Variants in FAM227B observed in about 807,000 individuals in gnomAD.
FAM227B encodes protein FAM227B.
Under a neutral mutation model 73.8 loss-of-function variants are expected in FAM227B, and 88 were observed. That is an observed-to-expected ratio of 1.19 (90% CI 1.00 to 1.42). The LOEUF (loss-of-function observed/expected upper bound fraction) is 1.42. FAM227B is among the 40% of genes most tolerant of loss of function. FAM227B has a pLI of 0.00. For missense variants in FAM227B, 632 were observed against 590.9 expected, an observed-to-expected ratio of 1.07 and a Z score of -0.72; for synonymous variants, 210 against 190.5, an observed-to-expected ratio of 1.10 and a Z score of -0.84.
intron 11 of FAM227B, among the ~76,000 whole-genome samples, chr15:49,436,539 A>T (rs2051122323): frequency 6.6e-6 from 1 of 151,604 alleles, no homozygotes; most frequent in Non-Finnish European, 1.5e-5. Flanking sequence ...CTACAACAAA[A>T]ATTAAATGTG....
At chr15:49,438,505 G>A (rs2051316547) in intron 11 of FAM227B, among the ~76,000 whole-genome samples, 1 of 151,622 alleles carries the variant, frequency 6.6e-6, no homozygotes, top group Non-Finnish European at 1.5e-5. Context: ...ATTCACCAAA[G>A]AGTTATCAGT....
intron 11 of FAM227B, among the ~76,000 whole-genome samples, chr15:49,464,752 A>G (rs574082578): frequency 6.6e-6 from 1 of 152,306 alleles, no homozygotes; most frequent in African/African-American, 2.4e-5. Context: ...AAGACACAAA[A>G]CAGAACACAT....
chr15:49,585,326 G>A (rs570450449), intron 5 of FAM227B, among the ~76,000 whole-genome samples: 1 of 152,204 alleles, frequency 6.6e-6, no homozygotes. Context: ...ATTTGACCCA[G>A]CCATCCCATT....
chr15:49,453,191 A>T (rs775574294), intron 11 of FAM227B, among the ~76,000 whole-genome samples: 1 of 152,000 alleles, frequency 6.6e-6, no homozygotes, highest in Non-Finnish European at 1.5e-5. Flanking sequence ...TTCTTTTTTT[A>T]AAATTTGAAT....
intron 11 of FAM227B, among the ~76,000 whole-genome samples, chr15:49,448,114 T>C (rs769563612): frequency 1.2e-4 from 18 of 151,744 alleles, no homozygotes; most frequent in Non-Finnish European, 2.1e-4. Context: ...AGCAACATAT[T>C]ATGCTCCTAT....
At chr15:49,388,044 T>C (rs1293881677) in intron 11 of FAM227B, among the ~76,000 whole-genome samples, 5 of 151,838 alleles carry the variant, frequency 3.3e-5, no homozygotes, top group Non-Finnish European at 7.4e-5. Flanking sequence ...ATTGTGCAAA[T>C]GATCATACTG....
intron 10 of FAM227B, among the ~76,000 whole-genome samples, chr15:49,509,861 A>G (rs2065260877): frequency 6.6e-6 from 1 of 152,066 alleles, no homozygotes; most frequent in African/African-American, 2.4e-5. Context: ...AAAACCTAAA[A>G]TGTCTTTGCA....
At chr15:49,496,478 T>C (rs1260707985) in intron 11 of FAM227B, among the ~76,000 whole-genome samples, 1 of 152,218 alleles carries the variant, frequency 6.6e-6, no homozygotes, top group East Asian at 1.9e-4. Context: ...AATTTTAGTC[T>C]TGTAAATAAT....
intron 11 of FAM227B, among the ~76,000 whole-genome samples, chr15:49,457,967 T>C (rs2053464441): frequency 6.6e-6 from 1 of 151,990 alleles, no homozygotes; most frequent in African/African-American, 2.4e-5. Flanking sequence ...TATCTTTCGT[T>C]AGGCATCACT....
intron 9 of FAM227B, among the ~76,000 whole-genome samples, chr15:49,559,390 C>T (rs2074047883): frequency 6.6e-6 from 1 of 152,074 alleles, no homozygotes; most frequent in Admixed American, 6.5e-5. Context: ...ATGTCCAGTC[C>T]TTCACTTGAA....
At chr15:49,489,822 TTATA>T (rs1178397654) in intron 11 of FAM227B, among the ~76,000 whole-genome samples, 1,358 of 32,260 alleles carry the variant, frequency 0.042, 165 homozygotes, top group East Asian at 0.25. Context: ...TATATATATT[TTATA>T]TATATATATA....
At chr15:49,413,180 A>C in intron 11 of FAM227B, among the ~76,000 whole-genome samples, 1 of 151,990 alleles carries the variant, frequency 6.6e-6, no homozygotes, top group East Asian at 1.9e-4. Context: ...TAATTCCCAC[A>C]TGTTGTGGGA....
rs181531826 is a variant in FAM227B, at chr15:49,415,284, T to C, written c.1013-43885A>G. Among the ~76,000 whole-genome samples, 258 of 152,290 alleles carry C rather than the reference T, an allele frequency of 1.7e-3. 2 individuals are homozygous for C. The highest frequency in any genetic ancestry group is 6.0e-3 in the African/African-American group (250 of 41,586). On this transcript the variant is annotated intron_variant, in intron 11 of 15. Coordinates refer to ENST00000299338, the MANE Select transcript of FAM227B (RefSeq NM_152647.3). ...AGAGCTAACAATGTAATAACCTCAA[T>C]TGCACAAGGTCTTTGTGTTTGTCAT...
chr15:49,520,584 G>A (rs2059710115), intron 10 of FAM227B, among the ~76,000 whole-genome samples: 1 of 152,184 alleles, frequency 6.6e-6, no homozygotes, highest in Non-Finnish European at 1.5e-5. Context: ...TCACAATCAT[G>A]GTGGAAAGCA....
intron 11 of FAM227B, among the ~76,000 whole-genome samples, chr15:49,443,027 T>A (rs916452488): frequency 1.3e-5 from 2 of 151,724 alleles, no homozygotes; most frequent in African/African-American, 2.4e-5. Context: ...CTGGCACATA[T>A]TAAGTGTTTG....
intron 11 of FAM227B, among the ~76,000 whole-genome samples, chr15:49,462,539 G>A (rs1218147335): frequency 6.6e-6 from 1 of 152,108 alleles, no homozygotes; most frequent in Non-Finnish European, 1.5e-5. Flanking sequence ...TTTTAACTTT[G>A]TATCTTTCAT....
At chr15:49,505,754 TC>T (rs990763910) in intron 11 of FAM227B, among the ~76,000 whole-genome samples, 1 of 151,798 alleles carries the variant, frequency 6.6e-6, no homozygotes, top group Non-Finnish European at 1.5e-5. Context: ...GGGATAAATC[TC>T]AAAACAAATA....
chr15:49,547,652 T>G (rs2072138196), intron 9 of FAM227B, among the ~76,000 whole-genome samples: 1 of 152,038 alleles, frequency 6.6e-6, no homozygotes, highest in Non-Finnish European at 1.5e-5. Context: ...AAAACAGACT[T>G]TAAACCAACA....
At chr15:49,355,465 C>T (rs560253390) in intron 13 of FAM227B, among the ~76,000 whole-genome samples, 44 of 152,032 alleles carry the variant, frequency 2.9e-4, no homozygotes, top group South Asian at 1.2e-3. Flanking sequence ...GGAGCCGATG[C>T]GATCAACTGG....
Sources: gnomAD v4.1 joint callset for allele counts (sites outside exome capture counted in the v4.1 genomes callset) on GRCh38, gnomAD v4.1.1 for gene constraint, MANE v1.5 for transcripts, NCBI Gene and HGNC (gene_info 2026-07-23, HGNC 2026-07-21) for gene names.